The following TMA7 variants were observed in gnomAD, a reference collection of about 807,000 sequenced individuals.
The protein encoded by TMA7 is translation machinery associated 7 homolog, also known as translation machinery-associated protein 7.
Under a neutral mutation model 12.5 loss-of-function variants are expected in TMA7, and 5 were observed. The observed-to-expected ratio is 0.40, with a 90% CI of 0.21 to 0.84. The LOEUF (loss-of-function observed/expected upper bound fraction) is 0.84, where lower values mean the gene tolerates loss of function less well. Ranked by LOEUF, TMA7 falls within the 40% of genes least tolerant of loss-of-function variation. The probability of loss-of-function intolerance (pLI) is 0.36; values close to 1 mark genes in which losing one functional copy is unlikely to be tolerated. For synonymous variants in TMA7, 36 were observed against 28.1 expected (o/e 1.28, Z -0.89); for missense variants, 71 against 75.4 (o/e 0.94, Z 0.22).
At position 48,440,621 on chromosome 3, in the gene TMA7, G is replaced by T; in HGVS notation, c.153G>T (p.Gly51=). 1 of 1,611,190 alleles carries T rather than the reference G, an allele frequency of 6.2e-7. No individual in the cohort carries two copies. The highest frequency in any genetic ancestry group is 8.5e-7 in the Non-Finnish European group (1 of 1,179,602). The part of the protein sequence containing the change: ...EELKAKAAGK[G]PLATGGIKKS... ...TAAAAGCGAAGGCCGCGGGGAAGGG[G>T]CCCTTGGGTAAGTGGGGGCCGAATG... The change falls in exon 3 of 4, where the codon GGG becomes GGT. Residue 51 remains glycine, a synonymous_variant. Transcript: ENST00000438607.
In TMA7 at chr3:48,444,059, ATC is replaced by A. The variant is rs2039624648; in HGVS notation, c.*181_*182del. ...AAGAAAAATCTTACAGTGGCTCATC[ATC>A]TCTTTAGTTGTTTTCACTAAGTCGT... is the stretch of plus-strand genomic sequence containing the variant. On this transcript the variant is annotated 3_prime_UTR_variant, in exon 4 of 4. Coordinates refer to ENST00000438607, the MANE Select transcript of TMA7 (RefSeq NM_015933.6). 9.2e-6 allele frequency: 4 copies of A among 434,596 alleles called. No individual in the cohort carries two copies. The highest frequency in any genetic ancestry group is 1.6e-5 in the Non-Finnish European group (4 of 250,948). The allele number at this position is 434,596 out of a possible 1,614,324, so 26.9% of individuals were successfully genotyped here. A position where few individuals can be genotyped will look rare whatever the true frequency, so the allele number is the denominator to read the frequency against.
rs35356755 is a variant in TMA7 at position 48,443,535 on chromosome 3, GA to G, written c.161-298del. On this transcript the variant is annotated intron_variant, in intron 3 of 3. Transcript: ENST00000438607. ...GGCGACAGAGCAAGATTCCATCTCAGAAAAAAAAAAAAAAAGGACTTCTTTT... is the reference window on the plus strand; with the variant it reads ...GGCGACAGAGCAAGATTCCATCTCAGAAAAAAAAAAAAAAGGACTTCTTTT... 9.2e-3 allele frequency among the ~76,000 whole-genome samples: 1,052 copies of G among 114,582 alleles called. 5 individuals are homozygous for G. The highest frequency in any genetic ancestry group is 0.033 in the Middle Eastern group (7 of 210). 75.2% of individuals were successfully genotyped at this position (114,582 alleles called of 152,430 possible). A position where few individuals can be genotyped will look rare whatever the true frequency, so the allele number is the denominator to read the frequency against.
At chr3:48,440,360 C>T in intron 1 of TMA7, 43 bp from the exon 2 acceptor site, 2 of 1,611,730 alleles carry the variant, frequency 1.2e-6, no homozygotes, top group South Asian at 1.1e-5. Flanking sequence ...GGGGTGGGGA[C>T]CGGGCGGCAG....
intron 2 of TMA7, 21 bp downstream of exon 2, chr3:48,440,479 A>ACTGGCGGGTGCGGGGGCG (rs775953432): frequency 6.2e-7 from 1 of 1,608,700 alleles, no homozygotes; most frequent in South Asian, 1.1e-5. Flanking sequence ...GCGCGGAGGC[A>ACTGGCGGGTGCGGGGGCG]CTGGCGGGTG....
intron 3 of TMA7, chr3:48,440,945 ATCTTTTGCCCCAAATTCGTATTTC>A (rs1451702850): frequency 2.2e-6 from 1 of 451,642 alleles, no homozygotes; most frequent in Non-Finnish European, 4.0e-6. Flanking sequence ...GTCGTCCGCA[ATCTTTTGCCCCAAATTCGTATTTC>A]ACTGCCTTCT....
At position 48,440,624 on chromosome 3, in the gene TMA7, C is replaced by G; in HGVS notation, c.156C>G (p.Pro52=). ...ELKAKAAGKG[P]LATGGIKKSG... ...AAGCGAAGGCCGCGGGGAAGGGGCC[C>G]TTGGGTAAGTGGGGGCCGAATGGAG... The change falls in exon 3 of 4, where the codon CCC becomes CCG. Residue 52 remains proline (P), a synonymous_variant. Coordinates refer to ENST00000438607, the MANE Select transcript of TMA7 (RefSeq NM_015933.6). 6.2e-7 allele frequency: 1 copy of G among 1,610,940 alleles called. No individual in the cohort carries two copies. The highest frequency in any genetic ancestry group is 8.5e-7 in the Non-Finnish European group (1 of 1,179,454).
At chr3:48,443,669 CTCA>C (rs1311386191) in intron 3 of TMA7, among the ~76,000 whole-genome samples, 176 bp from the exon 4 acceptor site, 4 of 151,970 alleles carry the variant, frequency 2.6e-5, no homozygotes, top group Admixed American at 2.6e-4. Context: ...TGTACTCCAT[CTCA>C]TCCTCATTTT....
chr3:48,441,452 G>A (rs1400877550), intron 3 of TMA7, among the ~76,000 whole-genome samples: 1 of 151,750 alleles, frequency 6.6e-6, no homozygotes, highest in East Asian at 1.9e-4. Context: ...CAGAGTGCTC[G>A]GATTACAAGC....
In TMA7 at chr3:48,440,285, G is replaced by A. The variant is rs765641351; in HGVS notation, c.-12G>A. ...TCCGGTGGCAGGGTCTGGGGAAGCG[G>A]CGGCAGGCGCCATGTCCGGCCGCGA... On this transcript the variant is annotated 5_prime_UTR_variant, in exon 1 of 4. Transcript: ENST00000438607. 3.6e-5 allele frequency: 57 copies of A among 1,601,632 alleles called. No individual in the cohort carries two copies. Among genetic ancestry groups the A allele is most frequent in the Non-Finnish European group, 4.9e-5 (57 of 1,174,002 alleles).
intron 3 of TMA7, among the ~76,000 whole-genome samples, chr3:48,441,849 G>A (rs2039577111): frequency 6.6e-6 from 1 of 152,114 alleles, no homozygotes; most frequent in Admixed American, 6.5e-5. Context: ...TGTCATCTAG[G>A]GCTTCCCAAG....
chr3:48,443,893 G>T lies in TMA7; in HGVS notation c.*11G>T. 6.5e-7 allele frequency: 1 copy of T among 1,535,134 alleles called. No homozygotes were observed. The highest frequency in any genetic ancestry group is 8.7e-7 in the Non-Finnish European group (1 of 1,146,434). On this transcript the variant is annotated 3_prime_UTR_variant, in exon 4 of 4. Transcript: ENST00000438607. ...TCTGGCAAAAAGTAAGCTGTTCCTTGTGCCTGAGGAGATGGTGACCCTTTA... is the reference window on the plus strand; with the variant it reads ...TCTGGCAAAAAGTAAGCTGTTCCTTTTGCCTGAGGAGATGGTGACCCTTTA...
At chr3:48,442,303 C>T (rs1420302896) in intron 3 of TMA7, among the ~76,000 whole-genome samples, 2 of 150,096 alleles carry the variant, frequency 1.3e-5, no homozygotes, top group African/African-American at 4.9e-5. Context: ...CTCTTTTAAT[C>T]TGTGATTGTG....
chr3:48,443,405 G>A (rs1418172249), intron 3 of TMA7, among the ~76,000 whole-genome samples: 1 of 151,988 alleles, frequency 6.6e-6, no homozygotes, highest in African/African-American at 2.4e-5. Context: ...AAATTAGCCA[G>A]GGCTTGTGGT....
At position 48,440,622 on chromosome 3, in the gene TMA7, C is replaced by A. The variant is rs775492653; in HGVS notation, c.154C>A (p.Pro52Thr). 6.2e-7 allele frequency: 1 copy of A among 1,611,022 alleles called. No individual in the cohort carries two copies. The highest frequency in any genetic ancestry group is 8.5e-7 in the Non-Finnish European group (1 of 1,179,528). Reference sequence around the variant, plus strand: ...AAAAGCGAAGGCCGCGGGGAAGGGGCCCTTGGGTAAGTGGGGGCCGAATGG... The same window carrying A: ...AAAAGCGAAGGCCGCGGGGAAGGGGACCTTGGGTAAGTGGGGGCCGAATGG... Reference protein sequence around the residue: ...ELKAKAAGKGPLATGGIKKSG... With the variant: ...ELKAKAAGKGTLATGGIKKSG... The change falls in exon 3 of 4, where the codon CCC (proline) becomes ACC (threonine). Residue 52 changes from proline (P) to threonine (T), a missense_variant. By Grantham distance (38) the Pro-to-Thr change is conservative. Transcript: ENST00000438607.
Position 48,444,145 on chromosome 3 carries a change from C to T in TMA7, c.*263C>T, listed in dbSNP as rs1393556780. 1.2e-5 allele frequency: 4 copies of T among 336,060 alleles called. No individual in the cohort carries two copies. Among genetic ancestry groups the T allele is most frequent in the Non-Finnish European group, 2.1e-5 (4 of 186,692 alleles). The allele number at this position is 336,060 out of a possible 1,614,324, so 20.8% of individuals were successfully genotyped here. On this transcript the variant is annotated 3_prime_UTR_variant, in exon 4 of 4. Transcript: ENST00000438607. ...GCTCAGAATCTTGCCAGAGTCTGTT[C>T]TTTGGTCCTTGTTCTACCCTAAACT... is the stretch of plus-strand genomic sequence containing the variant.
At chr3:48,440,695 G>C in intron 3 of TMA7, 67 bp downstream of exon 3, 1 of 1,442,608 alleles carries the variant, frequency 6.9e-7, no homozygotes, top group Non-Finnish European at 9.6e-7. Flanking sequence ...ATGAGGGCGC[G>C]GGCATGTCTT....
chr3:48,440,716 CCTGAA>C, intron 3 of TMA7, 88 bp downstream of exon 3: 1 of 1,204,410 alleles, frequency 8.3e-7, no homozygotes, highest in South Asian at 1.3e-5. Flanking sequence ...TTTCCTGCCT[CCTGAA>C]CTGCGAGGTC....
intron 3 of TMA7, among the ~76,000 whole-genome samples, chr3:48,441,251 A>C (rs1382577529): frequency 6.6e-6 from 1 of 151,680 alleles, no homozygotes; most frequent in South Asian, 2.1e-4. Flanking sequence ...TCACCATCTT[A>C]GCCAGGCTGG....
rs1193054614 is a variant in TMA7, at chr3:48,444,153, C to A, written c.*271C>A. The A allele has an allele frequency of 3.1e-6, 1 of 322,940 alleles. No individual in the cohort carries two copies. Among genetic ancestry groups the A allele is most frequent in the Non-Finnish European group, 5.6e-6 (1 of 178,370 alleles). 20.0% of individuals were successfully genotyped at this position (322,940 alleles called of 1,614,324 possible). ...TCTTGCCAGAGTCTGTTCTTTGGTC[C>A]TTGTTCTACCCTAAACTTTGTATCA... On this transcript the variant is annotated 3_prime_UTR_variant, in exon 4 of 4. Transcript: ENST00000438607.
Sources: gnomAD v4.1 joint callset for allele counts (sites outside exome capture counted in the v4.1 genomes callset) on GRCh38, gnomAD v4.1.1 for gene constraint, MANE v1.5 for transcripts, NCBI Gene and HGNC (gene_info 2026-07-23, HGNC 2026-07-21) for gene names.